Variants in DERA observed in about 807,000 individuals in gnomAD.
DERA encodes the protein deoxyribose-phosphate aldolase.
DERA carries 15 observed loss-of-function variants against 41.1 expected under a neutral mutation model. That is an observed-to-expected ratio of 0.37 (90% CI 0.24 to 0.56). The LOEUF is 0.56. DERA is among the 20% of genes least tolerant of loss of function. DERA has a pLI of 0.81. For missense variants in DERA, 396 were observed against 403.4 expected (o/e 0.98, Z 0.16); for synonymous variants, 139 against 137.4 (o/e 1.01, Z -0.08).
chr12:15,951,123 G>A (rs1592014920), intron 1 of DERA, among the ~76,000 whole-genome samples: 1 of 152,242 alleles, frequency 6.6e-6, no homozygotes, highest in South Asian at 2.1e-4. Flanking sequence ...AGAGGGGAAT[G>A]TTGGCCCAGG....
rs1443377355 is a variant in DERA, at chr12:15,941,274, A to T, written c.32-15662A>T. On this transcript the variant is annotated intron_variant, in intron 1 of 8. Coordinates refer to ENST00000428559, the MANE Select transcript of DERA (RefSeq NM_015954.4). This position sits in a 1 kb window ranked among gnomAD's most constrained non-coding sequence, Gnocchi z 4.5. ...ATGATTGAGCTCAGGCCGGGGCTCA[A>T]CTAGCTGCTATAGCAAATGGGTATA... 6.6e-6 allele frequency among the ~76,000 whole-genome samples: 1 copy of T among 152,166 alleles called. No individual in the cohort carries two copies. The highest frequency in any genetic ancestry group is 1.5e-5 in the Non-Finnish European group (1 of 68,020).
In DERA at chr12:16,001,226, C is replaced by T. The variant is rs1565610483; in HGVS notation, c.637+18790C>T. On this transcript the variant is annotated intron_variant, in intron 6 of 8. Coordinates refer to ENST00000428559, the MANE Select transcript of DERA (RefSeq NM_015954.4). This position sits in a 1 kb window ranked among gnomAD's most constrained non-coding sequence, Gnocchi z 4.1. ...GGCACACGTACACCTATGTAACAAA[C>T]CTGCACATTCTGCACATGTTTATCC... 6.6e-6 allele frequency among the ~76,000 whole-genome samples: 1 copy of T among 152,160 alleles called. No homozygotes were observed. Among genetic ancestry groups the T allele is most frequent in the Non-Finnish European group, 1.5e-5 (1 of 68,030 alleles).
chr12:15,933,585 G>C (rs772495621), intron 1 of DERA, among the ~76,000 whole-genome samples: 2 of 152,104 alleles, frequency 1.3e-5, no homozygotes, highest in Non-Finnish European at 2.9e-5. Context: ...TCTAGAGTTT[G>C]AATTTCAGGA....
rs559407820 is a variant in DERA at position 15,952,120 on chromosome 12, C to T, written c.32-4816C>T. ...TTCACCATATTGACCAGGCTGGTCT[C>T]GAACTCCTGACCTCGTGATCCGCCT... On this transcript the variant is annotated intron_variant, in intron 1 of 8. Coordinates refer to ENST00000428559, the MANE Select transcript of DERA (RefSeq NM_015954.4). Among the ~76,000 whole-genome samples the T allele has an allele frequency of 1.2e-3, 188 of 152,254 alleles. 1 individual carries two copies. Among genetic ancestry groups the T allele is most frequent in the African/African-American group, 4.2e-3 (176 of 41,552 alleles).
At chr12:15,987,047 A>ATCTTAC (rs1449229649) in intron 6 of DERA, among the ~76,000 whole-genome samples, 1 of 151,942 alleles carries the variant, frequency 6.6e-6, no homozygotes, top group Non-Finnish European at 1.5e-5. Context: ...GTAATATCTT[A>ATCTTAC]TCTTACTCTA....
rs140540888 is a variant in DERA at position 15,943,561 on chromosome 12, C to T, written c.32-13375C>T. Among the ~76,000 whole-genome samples the T allele has an allele frequency of 1.6e-3, 250 of 152,236 alleles. 1 individual carries two copies. The highest frequency in any genetic ancestry group is 4.4e-3 in the African/African-American group (182 of 41,546). On this transcript the variant is annotated intron_variant, in intron 1 of 8. Transcript: ENST00000428559. The surrounding 1 kb of genome is among the most constrained non-coding windows in gnomAD (Gnocchi z 4.5). ...CCTGTTGGCCATGGCTCACCATATG[C>T]ATTGTATTTTATATTGCCACACAGT...
intron 6 of DERA, among the ~76,000 whole-genome samples, chr12:15,991,772 C>G (rs1270605262): frequency 5.3e-5 from 8 of 152,094 alleles, no homozygotes; most frequent in Admixed American, 2.0e-4. Context: ...TTACATGATA[C>G]AATTAGAATA....
chr12:15,987,968 C>T (rs1209369265), intron 6 of DERA, among the ~76,000 whole-genome samples: 4 of 152,150 alleles, frequency 2.6e-5, no homozygotes, highest in African/African-American at 9.7e-5. Flanking sequence ...TCAGCTGCGG[C>T]AGGGTGGGCA....
Position 15,938,117 on chromosome 12 carries a change from G to A in DERA, c.32-18819G>A, listed in dbSNP as rs1386058068. On this transcript the variant is annotated intron_variant, in intron 1 of 8. Coordinates refer to ENST00000428559, the MANE Select transcript of DERA (RefSeq NM_015954.4). The surrounding 1 kb of genome is among the most constrained non-coding windows in gnomAD (Gnocchi z 4.1). ...TATTTATTTACTGACTTGGGTAAGA[G>A]TTGTAATATTGATCTGTTAAGGTTC... 1.3e-5 allele frequency among the ~76,000 whole-genome samples: 2 copies of A among 152,154 alleles called. No individual in the cohort carries two copies. The highest frequency in any genetic ancestry group is 4.8e-5 in the African/African-American group (2 of 41,432).
At chr12:16,034,955 A>G (rs1198302174) in intron 7 of DERA, among the ~76,000 whole-genome samples, 1 of 12,040 alleles carries the variant, frequency 8.3e-5, no homozygotes, top group Non-Finnish European at 1.6e-4. Context: ...TTAACCCCCT[A>G]CTACCTTACA....
chr12:15,935,869 T>C lies in DERA; in HGVS notation c.32-21067T>C, dbSNP rs1008568538. Among the ~76,000 whole-genome samples the C allele has an allele frequency of 9.4e-4, 143 of 152,212 alleles. 4 individuals are homozygous for C. The highest frequency in any genetic ancestry group is 8.9e-3 in the Admixed American group (136 of 15,270). ...TTCTGGCTTGGGGTCTCTCATGAGG[T>C]TGCAATCAAGTTATTGGCCCAGGCA... On this transcript the variant is annotated intron_variant, in intron 1 of 8. Transcript: ENST00000428559. The surrounding 1 kb of genome is among the most constrained non-coding windows in gnomAD (Gnocchi z 4.8).
At position 16,010,744 on chromosome 12, in the gene DERA, C is replaced by A. The variant is rs892224158; in HGVS notation, c.638-21798C>A. On this transcript the variant is annotated intron_variant, in intron 6 of 8. Transcript: ENST00000428559. The surrounding 1 kb of genome is among the most constrained non-coding windows in gnomAD (Gnocchi z 5.5). Reference sequence around the variant, plus strand: ...TTCCATTCAGGGCTGTTTGAAAGTTCACCTGTCTATGGATCTGCTAATGGG... The same window carrying A: ...TTCCATTCAGGGCTGTTTGAAAGTTAACCTGTCTATGGATCTGCTAATGGG... 2.0e-5 allele frequency among the ~76,000 whole-genome samples: 3 copies of A among 152,116 alleles called. No individual in the cohort carries two copies. The highest frequency in any genetic ancestry group is 7.2e-5 in the African/African-American group (3 of 41,506).
chr12:15,939,559 T>A (rs939456031), intron 1 of DERA, among the ~76,000 whole-genome samples: 2 of 152,312 alleles, frequency 1.3e-5, no homozygotes, highest in Admixed American at 6.5e-5. Context: ...TTTGCAAAAT[T>A]GTCATTAATA....
At chr12:15,937,684 A>G (rs1948378921) in intron 1 of DERA, among the ~76,000 whole-genome samples, 1 of 151,070 alleles carries the variant, frequency 6.6e-6, no homozygotes, top group Non-Finnish European at 1.5e-5. Flanking sequence ...TTTGGTGGTT[A>G]ACACTAACTG....
In DERA at chr12:15,965,356, C is replaced by T. The variant is rs890496251; in HGVS notation, c.508+2409C>T. 1.1e-4 allele frequency among the ~76,000 whole-genome samples: 17 copies of T among 152,062 alleles called. No homozygotes were observed. Among genetic ancestry groups the T allele is most frequent in the Admixed American group, 3.3e-4 (5 of 15,272 alleles). On this transcript the variant is annotated intron_variant, in intron 5 of 8. Coordinates refer to ENST00000428559, the MANE Select transcript of DERA (RefSeq NM_015954.4). This position sits in a 1 kb window ranked among gnomAD's most constrained non-coding sequence, Gnocchi z 4.1. ...TGTGCAGGTTTGTTGCATAGGTAAACGTGTGCCATGGTGGTTTGCTGCACC... is the reference window on the plus strand; with the variant it reads ...TGTGCAGGTTTGTTGCATAGGTAAATGTGTGCCATGGTGGTTTGCTGCACC...
Position 15,940,497 on chromosome 12 carries a change from G to A in DERA, c.32-16439G>A, listed in dbSNP as rs60536962. Among the ~76,000 whole-genome samples the A allele has an allele frequency of 0.022, 3,367 of 152,056 alleles. 129 individuals are homozygous for A. The highest frequency in any genetic ancestry group is 0.076 in the African/African-American group (3,140 of 41,458). ...CTCTCGAGTAGCTGGGACTACAGGC[G>A]CATGCCACCACACCTGGCTGATTTT... is the stretch of plus-strand genomic sequence containing the variant. On this transcript the variant is annotated intron_variant, in intron 1 of 8. Coordinates refer to ENST00000428559, the MANE Select transcript of DERA (RefSeq NM_015954.4). The surrounding 1 kb of genome is among the most constrained non-coding windows in gnomAD (Gnocchi z 5.1).
Position 15,989,778 on chromosome 12 carries a change from G to A in DERA, c.637+7342G>A, listed in dbSNP as rs1191038699. The stretch of plus-strand genomic sequence containing the variant: ...TCAAAAAGAAATTCTTTGGAGACCA[G>A]GTAGAGATATCTAACTATGTTAGTC... On this transcript the variant is annotated intron_variant, in intron 6 of 8. Coordinates refer to ENST00000428559, the MANE Select transcript of DERA (RefSeq NM_015954.4). This position sits in a 1 kb window ranked among gnomAD's most constrained non-coding sequence, Gnocchi z 5.2. Among the ~76,000 whole-genome samples, 1 of 152,192 alleles carries A rather than the reference G, an allele frequency of 6.6e-6. No individual in the cohort carries two copies. Among genetic ancestry groups the A allele is most frequent in the Non-Finnish European group, 1.5e-5 (1 of 68,018 alleles).
rs1949052907 is a variant in DERA, at chr12:16,026,307, T to C, written c.638-6235T>C. ...AACAGCTAGCTAGGCTAATCAAGAA[T>C]AAAAGAGAAAAGACATAAATTACCC... On this transcript the variant is annotated intron_variant, in intron 6 of 8. Coordinates refer to ENST00000428559, the MANE Select transcript of DERA (RefSeq NM_015954.4). The surrounding 1 kb of genome is among the most constrained non-coding windows in gnomAD (Gnocchi z 4.4). 6.7e-6 allele frequency among the ~76,000 whole-genome samples: 1 copy of C among 150,342 alleles called. No individual in the cohort carries two copies. Among genetic ancestry groups the C allele is most frequent in the African/African-American group, 2.4e-5 (1 of 41,026 alleles).
Position 15,992,818 on chromosome 12 carries a change from C to T in DERA, c.637+10382C>T, listed in dbSNP as rs763611821. Reference sequence around the variant, plus strand: ...TATCTTTCAGTAGCGGTGGACTGTTCGCACACACTCAACAGTTAACAAGCT... The same window carrying T: ...TATCTTTCAGTAGCGGTGGACTGTTTGCACACACTCAACAGTTAACAAGCT... On this transcript the variant is annotated intron_variant, in intron 6 of 8. Transcript: ENST00000428559. This position sits in a 1 kb window ranked among gnomAD's most constrained non-coding sequence, Gnocchi z 4.3. Among the ~76,000 whole-genome samples the T allele has an allele frequency of 1.3e-5, 2 of 152,084 alleles. No homozygotes were observed. Among genetic ancestry groups the T allele is most frequent in the Non-Finnish European group, 2.9e-5 (2 of 68,004 alleles).
Sources: allele counts gnomAD v4.1 joint callset (sites outside exome capture counted in the v4.1 genomes callset), GRCh38; gene constraint gnomAD v4.1.1; non-coding constraint Gnocchi (gnomAD v3.1); transcripts MANE v1.5; gene names NCBI Gene and HGNC (gene_info 2026-07-23, HGNC 2026-07-21).